Variants in WDPCP observed in about 807,000 individuals in gnomAD.
The protein encoded by WDPCP is WD repeat-containing and planar cell polarity effector protein fritz homolog.
A neutral mutation model predicts 93.1 loss-of-function variants in WDPCP; 71 were observed. The observed-to-expected ratio is 0.76, with a 90% CI of 0.63 to 0.93. The LOEUF (loss-of-function observed/expected upper bound fraction) is 0.93, where lower values mean the gene tolerates loss of function less well. Ranked by LOEUF, WDPCP falls within the 40% of genes least tolerant of loss-of-function variation. WDPCP has a pLI of 0.00. For missense variants in WDPCP, 844 were observed against 887.4 expected, an observed-to-expected ratio of 0.95 and a Z score of 0.62; for synonymous variants, 315 against 315.0, an observed-to-expected ratio of 1.00 and a Z score of 0.00.
intron 2 of WDPCP, among the ~76,000 whole-genome samples, chr2:63,723,892 T>TA (rs955498041): frequency 1.2e-4 from 18 of 152,250 alleles, no homozygotes; most frequent in African/African-American, 4.1e-4. Context: ...TGTGTGGTAT[T>TA]ACACAACTCT....
chr2:63,188,541 C>T (rs750745531), intron 14 of WDPCP, among the ~76,000 whole-genome samples: 90 of 151,810 alleles, frequency 5.9e-4, no homozygotes, highest in Non-Finnish European at 8.2e-4. Flanking sequence ...GCTATGTTGC[C>T]CAGGCTAGTC....
intron 1 of WDPCP, chr2:63,564,748 T>G (rs946953863): frequency 6.6e-6 from 1 of 151,792 alleles, no homozygotes; most frequent in African/African-American, 2.4e-5. Context: ...GTATTTATAC[T>G]TGTGATGTTA....
At chr2:63,472,128 T>A (rs978243230) in intron 6 of WDPCP, among the ~76,000 whole-genome samples, 1 of 152,090 alleles carries the variant, frequency 6.6e-6, no homozygotes, top group Non-Finnish European at 1.5e-5. Flanking sequence ...TCTGATATAA[T>A]CCTGATTCCC....
intron 3 of WDPCP, chr2:63,599,347 C>A: frequency 1.3e-6 from 2 of 1,550,984 alleles, no homozygotes; most frequent in South Asian, 1.2e-5. Flanking sequence ...ACATTTTTCT[C>A]TCACTTTTAA....
intron 2 of WDPCP, among the ~76,000 whole-genome samples, chr2:63,749,896 G>T (rs1669855464): frequency 6.6e-6 from 1 of 151,968 alleles, no homozygotes; most frequent in Admixed American, 6.6e-5. Flanking sequence ...CTATAGTCTT[G>T]CTGTTATCTT....
chr2:63,433,324 G>A (rs1696899868), intron 9 of WDPCP, among the ~76,000 whole-genome samples: 1 of 152,180 alleles, frequency 6.6e-6, no homozygotes, highest in African/African-American at 2.4e-5. Context: ...ATGATATCAT[G>A]AGTAAACAGT....
At chr2:63,222,265 T>C (rs1411072179) in intron 14 of WDPCP, among the ~76,000 whole-genome samples, 1 of 152,210 alleles carries the variant, frequency 6.6e-6, no homozygotes, top group Non-Finnish European at 1.5e-5. Context: ...CTTTTAACAG[T>C]GTCTGGAAGG....
chr2:63,172,682 T>C (rs1018370120), intron 15 of WDPCP, among the ~76,000 whole-genome samples: 6 of 152,166 alleles, frequency 3.9e-5, no homozygotes, highest in East Asian at 1.9e-4. Flanking sequence ...AGACAGAGAA[T>C]GTCCAAACTT....
chr2:63,137,188 A>C (rs1057467350), intron 17 of WDPCP, among the ~76,000 whole-genome samples: 3 of 152,190 alleles, frequency 2.0e-5, no homozygotes, highest in African/African-American at 7.2e-5. Context: ...ATGTATAAGC[A>C]TTCCCATTTC....
intron 2 of WDPCP, among the ~76,000 whole-genome samples, chr2:63,712,348 T>C (rs940587651): frequency 2.0e-5 from 3 of 152,194 alleles, no homozygotes; most frequent in Non-Finnish European, 4.4e-5. Context: ...TTTTTGAAAA[T>C]ATTAAAAGTA....
chr2:63,637,638 T>G (rs995799263), intron 3 of WDPCP, among the ~76,000 whole-genome samples: 4 of 152,116 alleles, frequency 2.6e-5, no homozygotes, highest in Non-Finnish European at 5.9e-5. Flanking sequence ...TGAATGAATA[T>G]TTTTCCAAGA....
At chr2:63,369,539 C>T (rs553048012) in intron 12 of WDPCP, 9 of 456,218 alleles carry the variant, frequency 2.0e-5, no homozygotes, top group South Asian at 1.1e-4. Context: ...AAACAGATAC[C>T]TCAACTAGAA....
intron 12 of WDPCP, among the ~76,000 whole-genome samples, chr2:63,338,112 T>C (rs769857230): frequency 6.6e-6 from 1 of 152,218 alleles, no homozygotes; most frequent in Non-Finnish European, 1.5e-5. Context: ...TGATACCTTC[T>C]AGTAGTTTTA....
chr2:63,153,690 A>G, intron 15 of WDPCP, 116 bp from the exon 16 acceptor site: 1 of 615,324 alleles, frequency 1.6e-6, no homozygotes. Flanking sequence ...GGGTTAAAAA[A>G]TGTAATTAAA....
intron 13 of WDPCP, among the ~76,000 whole-genome samples, chr2:63,276,150 C>T (rs952630920): frequency 6.6e-6 from 1 of 152,172 alleles, no homozygotes; most frequent in Admixed American, 6.5e-5. Flanking sequence ...CAGTTCCACT[C>T]TCAGGAAACC....
chr2:63,332,324 G>A (rs905975783), intron 12 of WDPCP, among the ~76,000 whole-genome samples: 1 of 151,992 alleles, frequency 6.6e-6, no homozygotes, highest in Non-Finnish European at 1.5e-5. Flanking sequence ...CAATGCTCCA[G>A]TATGGTTATA....
chr2:63,298,105 A>G (rs552411207), intron 13 of WDPCP, among the ~76,000 whole-genome samples: 2 of 152,146 alleles, frequency 1.3e-5, no homozygotes, highest in Non-Finnish European at 2.9e-5. Context: ...AACGGGACAC[A>G]ACGCATACTG....
At chr2:63,398,599 TAA>T (rs1228991326) in intron 10 of WDPCP, among the ~76,000 whole-genome samples, 4 of 152,174 alleles carry the variant, frequency 2.6e-5, no homozygotes, top group Non-Finnish European at 5.9e-5. Context: ...TGACCTAATC[TAA>T]GAGTCTAACT....
chr2:63,276,108 G>A (rs1462231630), intron 13 of WDPCP, among the ~76,000 whole-genome samples: 1 of 152,134 alleles, frequency 6.6e-6, no homozygotes, highest in Non-Finnish European at 1.5e-5. Context: ...TCCACTGGGT[G>A]GCTAAACCCA....
Sources: gnomAD v4.1 joint callset for allele counts (sites outside exome capture counted in the v4.1 genomes callset) on GRCh38, gnomAD v4.1.1 for gene constraint, MANE v1.5 for transcripts, NCBI Gene and HGNC (gene_info 2026-07-23, HGNC 2026-07-21) for gene names.